The following ENOX1 variants were observed in gnomAD, a reference collection of about 807,000 sequenced individuals.
ENOX1 encodes the protein ecto-NOX disulfide-thiol exchanger 1.
A neutral mutation model predicts 82.5 loss-of-function variants in ENOX1; 42 were observed. That is an observed-to-expected ratio of 0.51 (90% CI 0.40 to 0.66). The LOEUF (loss-of-function observed/expected upper bound fraction) is 0.66. ENOX1 is among the 30% of genes least tolerant of loss of function. The pLI, the probability that ENOX1 is intolerant of heterozygous loss-of-function variation, is 0.00. For synonymous variants in ENOX1, 271 were observed against 282.2 expected (o/e 0.96, Z 0.40); for missense variants, 608 against 811.6 (o/e 0.75, Z 3.05).
intron 12 of ENOX1, among the ~76,000 whole-genome samples, chr13:43,282,856 G>A (rs903939603): frequency 2.6e-5 from 4 of 151,972 alleles, no homozygotes; most frequent in African/African-American, 9.7e-5. Context: ...ACTTTGGGAG[G>A]CTGAGGCGGG....
chr13:43,491,976 T>C (rs9567199), intron 2 of ENOX1, among the ~76,000 whole-genome samples: 31,411 of 151,986 alleles, frequency 0.21, 3,975 homozygotes, highest in African/African-American at 0.35. Flanking sequence ...GTAGAAATGG[T>C]CTGCTCACTA....
At chr13:43,459,776 G>A (rs1054901840) in intron 3 of ENOX1, among the ~76,000 whole-genome samples, 2 of 152,140 alleles carry the variant, frequency 1.3e-5, no homozygotes, top group Admixed American at 6.5e-5. Flanking sequence ...GGTGGATCAC[G>A]AGGTCAGGAG....
intron 1 of ENOX1, among the ~76,000 whole-genome samples, chr13:43,763,402 A>G (rs1381598622): frequency 6.6e-6 from 1 of 152,202 alleles, no homozygotes; most frequent in Non-Finnish European, 1.5e-5. Context: ...AAGCCTATTC[A>G]TGAGACCCCT....
At chr13:43,446,046 T>C (rs1387576056) in intron 3 of ENOX1, among the ~76,000 whole-genome samples, 2 of 152,196 alleles carry the variant, frequency 1.3e-5, no homozygotes, top group Non-Finnish European at 2.9e-5. Context: ...GTCTCCCTTC[T>C]TCCTAAATGC....
chr13:43,770,901 T>C (rs1407506949), intron 1 of ENOX1, among the ~76,000 whole-genome samples: 1 of 152,070 alleles, frequency 6.6e-6, no homozygotes, highest in Non-Finnish European at 1.5e-5. Flanking sequence ...CTGTCTCTAG[T>C]GTGAAATAAA....
At chr13:43,505,255 A>C (rs2077112767) in intron 2 of ENOX1, among the ~76,000 whole-genome samples, 1 of 151,928 alleles carries the variant, frequency 6.6e-6, no homozygotes, top group Admixed American at 6.6e-5. Context: ...ATTGGAGTGA[A>C]TGAGGAAATG....
At chr13:43,300,912 C>T (rs868822425) in intron 11 of ENOX1, among the ~76,000 whole-genome samples, 6 of 150,008 alleles carry the variant, frequency 4.0e-5, no homozygotes, top group African/African-American at 1.3e-4. Flanking sequence ...GCACATAACC[C>T]GCAGCATGAG....
intron 2 of ENOX1, among the ~76,000 whole-genome samples, chr13:43,589,350 T>G (rs1205620944): frequency 6.6e-6 from 1 of 151,852 alleles, no homozygotes; most frequent in East Asian, 1.9e-4. Flanking sequence ...AATAGCCTGT[T>G]GCAGAGGAAA....
intron 1 of ENOX1, among the ~76,000 whole-genome samples, chr13:43,759,160 G>GC (rs1555377849): frequency 7.1e-6 from 1 of 141,002 alleles, no homozygotes; most frequent in Non-Finnish European, 1.5e-5. Context: ...GTGCAGTGGT[G>GC]CCATCTTGGC....
chr13:43,734,199 GGTTGTTGTTGTTGTTGTT>G (rs143259339), intron 1 of ENOX1, among the ~76,000 whole-genome samples: 102 of 151,114 alleles, frequency 6.7e-4, no homozygotes, highest in African/African-American at 1.8e-3. Context: ...TTTTGTTGTT[GGTTGTTGTTGTTGTTGTT>G]GTTGTTGTTG....
At chr13:43,514,708 T>C (rs1190833259) in intron 2 of ENOX1, among the ~76,000 whole-genome samples, 3 of 152,198 alleles carry the variant, frequency 2.0e-5, no homozygotes, top group Non-Finnish European at 2.9e-5. Flanking sequence ...GTTTGTAGAA[T>C]ATTTGTGTCT....
intron 2 of ENOX1, among the ~76,000 whole-genome samples, chr13:43,576,794 C>T (rs1249569149): frequency 6.6e-6 from 1 of 152,142 alleles, no homozygotes. Flanking sequence ...TATGGAACAG[C>T]ACTAGGTTAG....
chr13:43,282,940 A>G (rs1465985193), intron 12 of ENOX1, among the ~76,000 whole-genome samples: 1 of 151,854 alleles, frequency 6.6e-6, no homozygotes, highest in Non-Finnish European at 1.5e-5. Context: ...AAAAAATACA[A>G]AATTAGCTGG....
intron 2 of ENOX1, among the ~76,000 whole-genome samples, chr13:43,617,467 CTG>C (rs2082532194): frequency 1.3e-5 from 2 of 152,296 alleles, no homozygotes; most frequent in African/African-American, 2.4e-5. Flanking sequence ...ACAAAAAAGT[CTG>C]TTTTTGTTTA....
intron 2 of ENOX1, among the ~76,000 whole-genome samples, chr13:43,596,469 T>C (rs781526710): frequency 1.3e-5 from 2 of 152,268 alleles, no homozygotes; most frequent in African/African-American, 2.4e-5. Context: ...AGCAATGCAG[T>C]TAAACCAGTT....
intron 12 of ENOX1, among the ~76,000 whole-genome samples, chr13:43,281,064 C>G (rs988407657): frequency 6.6e-6 from 1 of 152,180 alleles, no homozygotes; most frequent in South Asian, 2.1e-4. Flanking sequence ...GGGTCAAGCC[C>G]TGGATAAACT....
chr13:43,344,195 G>A (rs926173962), intron 9 of ENOX1, among the ~76,000 whole-genome samples: 1 of 152,142 alleles, frequency 6.6e-6, no homozygotes. Context: ...GGGTCTGTGC[G>A]GACAGCCTGC....
intron 2 of ENOX1, among the ~76,000 whole-genome samples, chr13:43,571,810 G>C (rs2080194326): frequency 6.6e-6 from 1 of 152,166 alleles, no homozygotes; most frequent in Admixed American, 6.6e-5. Context: ...AGGGGCTGAA[G>C]TGGATAATCT....
At chr13:43,513,932 A>G (rs1019932787) in intron 2 of ENOX1, among the ~76,000 whole-genome samples, 8 of 152,170 alleles carry the variant, frequency 5.3e-5, no homozygotes, top group African/African-American at 1.9e-4. Flanking sequence ...TTCATAGAAA[A>G]CATCAATATT....
Sources: allele counts gnomAD v4.1 joint callset (sites outside exome capture counted in the v4.1 genomes callset), GRCh38; gene constraint gnomAD v4.1.1; transcripts MANE v1.5; gene names NCBI Gene and HGNC (gene_info 2026-07-23, HGNC 2026-07-21).